Variants in CHP2 observed in about 807,000 individuals in gnomAD.
CHP2 encodes the protein calcineurin B homologous protein 2.
CHP2 carries 31 observed loss-of-function variants against 24.7 expected under a neutral mutation model. The ratio of observed to expected loss-of-function variants is 1.26; its 90% CI spans 0.94 to 1.69. CHP2 has a LOEUF of 1.69. Among genes scored for constraint, CHP2 ranks in the 40% most tolerant of loss-of-function variants. The probability of loss-of-function intolerance (pLI) is 0.00; values close to 1 mark genes in which losing one functional copy is unlikely to be tolerated. For missense variants in CHP2, 319 were observed against 261.5 expected, an observed-to-expected ratio of 1.22 and a Z score of -1.52; for synonymous variants, 97 against 99.1, an observed-to-expected ratio of 0.98 and a Z score of 0.13.
In CHP2 at chr16:23,758,531, C is replaced by T. The variant is rs1336196642; in HGVS notation, c.*948C>T. 4 of 152,160 alleles carry T rather than the reference C, an allele frequency of 2.6e-5. No individual in the cohort carries two copies. Among genetic ancestry groups the T allele is most frequent in the South Asian group, 4.1e-4 (2 of 4,832 alleles). 9.4% of individuals were successfully genotyped at this position (152,160 alleles called of 1,614,324 possible). ...CAGCTCCAGGCTTCTATCCTGCTAA[C>T]CCAGTAACCCAGTGGGAAGAGATTT... On this transcript the variant is annotated 3_prime_UTR_variant, in exon 7 of 7. Transcript: ENST00000300113.
Position 23,755,886 on chromosome 16 carries a change from C to T in CHP2, c.180C>T (p.Asn60=), listed in dbSNP as rs202195776. 3 of 1,614,180 alleles carry T rather than the reference C, an allele frequency of 1.9e-6. No homozygotes were observed. The highest frequency in any genetic ancestry group is 3.3e-5 in the Admixed American group (2 of 60,022). The change falls in exon 3 of 7, where the codon AAC becomes AAT. Residue 60 remains asparagine, a synonymous_variant. Transcript: ENST00000300113. Reference sequence around the variant, plus strand: ...AGCAGATAGGGGCGCTCGCCGTGAACCCCCTGGGAGACCGAATTATAGAAA... The same window carrying T: ...AGCAGATAGGGGCGCTCGCCGTGAATCCCCTGGGAGACCGAATTATAGAAA... ...DLQQIGALAV[N]PLGDRIIESF...
In CHP2 at chr16:23,757,867, T is replaced by C; in HGVS notation, c.*284T>C. 2.2e-6 allele frequency: 1 copy of C among 463,388 alleles called. No individual in the cohort carries two copies. The highest frequency in any genetic ancestry group is 2.2e-5 in the South Asian group (1 of 44,916). The allele number at this position is 463,388 out of a possible 1,614,324, so 28.7% of individuals were successfully genotyped here. ...ATTGTGCACTTTATTTCTATTATGA[T>C]TACATTGTAATATATAATGAAATAA... On this transcript the variant is annotated 3_prime_UTR_variant, in exon 7 of 7. Coordinates refer to ENST00000300113, the MANE Select transcript of CHP2 (RefSeq NM_022097.4).
rs16972893 is a variant in CHP2, at chr16:23,757,587, C to G, written c.*4C>G. ...GAGCATCCGGATCCTGAAGTGACTC[C>G]GTTTGTGCCTTGGGCTTGCTCCTGC... On this transcript the variant is annotated 3_prime_UTR_variant, in exon 7 of 7. Coordinates refer to ENST00000300113, the MANE Select transcript of CHP2 (RefSeq NM_022097.4). 5 of 1,613,686 alleles carry G rather than the reference C, an allele frequency of 3.1e-6. No homozygotes were observed. Among genetic ancestry groups the G allele is most frequent in the Non-Finnish European group, 4.2e-6 (5 of 1,179,710 alleles).
intron 3 of CHP2, 60 bp from the exon 4 acceptor site, chr16:23,756,003 G>T (rs893756216): frequency 1.9e-6 from 3 of 1,613,638 alleles, no homozygotes; most frequent in Middle Eastern, 1.6e-4. Flanking sequence ...GGTTAGAGAC[G>T]GAGGCAAAGT....
intron 5 of CHP2, among the ~76,000 whole-genome samples, chr16:23,756,773 G>A (rs1367771426): frequency 6.6e-6 from 1 of 152,058 alleles, no homozygotes; most frequent in Non-Finnish European, 1.5e-5. Flanking sequence ...GTGGGTAGAG[G>A]TCAGGAATGT....
intron 6 of CHP2, 50 bp from the exon 7 acceptor site, chr16:23,757,480 A>G (rs1250526696): frequency 1.2e-6 from 2 of 1,600,630 alleles, no homozygotes; most frequent in Admixed American, 1.7e-5. Context: ...GGTTGGGAGC[A>G]TGGAGAGCTG....
Position 23,755,043 on chromosome 16 carries a change from C to G in CHP2, c.-7C>G. 1 of 1,585,226 alleles carries G rather than the reference C, an allele frequency of 6.3e-7. No homozygotes were observed. The highest frequency in any genetic ancestry group is 8.5e-7 in the Non-Finnish European group (1 of 1,170,008). On this transcript the variant is annotated 5_prime_UTR_variant, in exon 1 of 7. Coordinates refer to ENST00000300113, the MANE Select transcript of CHP2 (RefSeq NM_022097.4). Reference sequence around the variant, plus strand: ...GCTGCTCCGGCCCTTCCGCCTCCAGCTCGGCCATGGGGTCGCGCAGCTCCC... The same window carrying G: ...GCTGCTCCGGCCCTTCCGCCTCCAGGTCGGCCATGGGGTCGCGCAGCTCCC...
rs189418845 is a variant in CHP2, at chr16:23,755,657, G to T, written c.68-4G>T. On this transcript the variant is annotated splice_region_variant and splice_polypyrimidine_tract_variant and intron_variant, in intron 1 of 6. Transcript: ENST00000300113. ...ACACCCCCACCCCACTCTCCTTCCC[G>T]CAGTCTCCCAAGCCAGCCTGCTCCG... 6.1e-4 allele frequency: 983 copies of T among 1,613,510 alleles called. 7 individuals are homozygous for T. In the African/African-American group the frequency reaches 0.012, roughly 20 times the overall value.
chr16:23,756,563 T>C (rs1961229093), intron 5 of CHP2, 114 bp downstream of exon 5: 2 of 915,682 alleles, frequency 2.2e-6, no homozygotes, highest in Admixed American at 4.0e-5. Flanking sequence ...ATAATTGGGG[T>C]ATTGGTTGGG....
At position 23,755,667 on chromosome 16, in the gene CHP2, A is replaced by C. The variant is rs1208704936; in HGVS notation, c.74A>C (p.Gln25Pro). 1 of 1,613,914 alleles carries C rather than the reference A, an allele frequency of 6.2e-7. No individual in the cohort carries two copies. Among genetic ancestry groups the C allele is most frequent in the East Asian group, 2.2e-5 (1 of 44,874 alleles). The change falls in exon 2 of 7, where the codon CAA becomes CCA. Residue 25 changes from glutamine to proline, a missense_variant. Physicochemically the swap from Gln to Pro is moderately conservative, Grantham distance 76. Coordinates refer to ENST00000300113, the MANE Select transcript of CHP2 (RefSeq NM_022097.4). Reference sequence around the variant, plus strand: ...CCCACTCTCCTTCCCGCAGTCTCCCAAGCCAGCCTGCTCCGCCTGCACCAC... The same window carrying C: ...CCCACTCTCCTTCCCGCAGTCTCCCCAGCCAGCCTGCTCCGCCTGCACCAC... ...DSIRRETGFS[Q>P]ASLLRLHHRF...
chr16:23,757,212 G>A lies in CHP2; in HGVS notation c.426G>A (p.Leu142=), dbSNP rs199973892. The change falls in exon 6 of 7, where the codon CTG becomes CTA. Residue 142 remains leucine (L), a synonymous_variant. Coordinates refer to ENST00000300113, the MANE Select transcript of CHP2 (RefSeq NM_022097.4). ...SRHEMLQVLR[L]MVGVQVTEEQ... ...CACTCATCTCTCAGGTTCTCCGTCT[G>A]ATGGTTGGGGTACAGGTGACAGAAG... 6 of 1,614,060 alleles carry A rather than the reference G, an allele frequency of 3.7e-6. No homozygotes were observed. In the African/African-American group the frequency reaches 5.3e-5, roughly 14 times the overall value.
At position 23,758,442 on chromosome 16, in the gene CHP2, C is replaced by A. The variant is rs1173218713; in HGVS notation, c.*859C>A. On this transcript the variant is annotated 3_prime_UTR_variant, in exon 7 of 7. Coordinates refer to ENST00000300113, the MANE Select transcript of CHP2 (RefSeq NM_022097.4). The stretch of plus-strand genomic sequence containing the variant: ...AGTTATTCTCCATCTCCCAGCTCAG[C>A]TTTTTCTGTCTGTAAGCCTGATTTT... The A allele has an allele frequency of 1.3e-5, 2 of 152,220 alleles. No homozygotes were observed. The highest frequency in any genetic ancestry group is 2.9e-5 in the Non-Finnish European group (2 of 68,052). The allele number at this position is 152,220 out of a possible 1,614,324, so 9.4% of individuals were successfully genotyped here.
At position 23,756,457 on chromosome 16, in the gene CHP2, GA is replaced by G; in HGVS notation, c.414+11del. The G allele has an allele frequency of 6.2e-7, 1 of 1,611,314 alleles. No individual in the cohort carries two copies. Among genetic ancestry groups the G allele is most frequent in the Non-Finnish European group, 8.5e-7 (1 of 1,177,532 alleles). On this transcript the variant is annotated intron_variant, in intron 5 of 6. Transcript: ENST00000300113. ...AGGCATGAGATGCTGCAGGTTGGCA[GA>G]AAGCGAGAGCAAGAGATGTGATGTG...
At position 23,756,180 on chromosome 16, in the gene CHP2, G is replaced by A. The variant is rs1961223208; in HGVS notation, c.339G>A (p.Arg113=). The A allele has an allele frequency of 6.2e-7, 1 of 1,613,908 alleles. No homozygotes were observed. Among genetic ancestry groups the A allele is most frequent in the Non-Finnish European group, 8.5e-7 (1 of 1,180,040 alleles). The change falls in exon 4 of 7, where the codon AGG becomes AGA. Residue 113 remains arginine, a synonymous_variant. Transcript: ENST00000300113. ...AACCTGAACCTCTCAACAGCAGAAG[G>A]AACAAACTTCACTGTGAGTTTGTGA... ...PKKPEPLNSR[R]NKLHYAFQLY...
At chr16:23,755,413 G>T (rs1961207536) in intron 1 of CHP2, 1 of 600,370 alleles carries the variant, frequency 1.7e-6, no homozygotes, top group Non-Finnish European at 3.0e-6. Context: ...GCTGACGGCG[G>T]TTGGAAGGGA....
At chr16:23,757,385 G>C (rs561240577) in intron 6 of CHP2, 62 bp downstream of exon 6, 15 of 1,594,456 alleles carry the variant, frequency 9.4e-6, no homozygotes, top group East Asian at 9.0e-5. Flanking sequence ...ACAGACTTGG[G>C]AAACGTTCAA....
chr16:23,757,313 A>T lies in CHP2; in HGVS notation c.527A>T (p.Glu176Val). Residue 176 changes from glutamate (E) to valine (V), a missense_variant, in exon 6 of 7, where the codon GAG (glutamate) becomes GTG (valine). Glu to Val is a moderately radical substitution (Grantham distance 121, BLOSUM62 -2). Transcript: ENST00000300113. ...EDGDGAVSFV[E>V]FTKSLEKMDV... ...GGGGATGGGGCTGTGTCCTTCGTGGAGTTCACCAAGGTCAGAGTGCCCTTG... is the reference window on the plus strand; with the variant it reads ...GGGGATGGGGCTGTGTCCTTCGTGGTGTTCACCAAGGTCAGAGTGCCCTTG... 6.2e-7 allele frequency: 1 copy of T among 1,610,982 alleles called. No individual in the cohort carries two copies. Among genetic ancestry groups the T allele is most frequent in the Non-Finnish European group, 8.5e-7 (1 of 1,178,184 alleles).
At chr16:23,755,352 G>A (rs1015798825) in intron 1 of CHP2, 3 of 597,276 alleles carry the variant, frequency 5.0e-6, no homozygotes, top group Non-Finnish European at 8.9e-6. Context: ...GGAGTCCAGA[G>A]GAATCCAGGC....
chr16:23,755,693 C>G lies in CHP2; in HGVS notation c.100C>G (p.Arg34Gly), dbSNP rs544227795. 14 of 1,614,050 alleles carry G rather than the reference C, an allele frequency of 8.7e-6. No individual in the cohort carries two copies. Among genetic ancestry groups the G allele is most frequent in the Non-Finnish European group, 1.1e-5 (13 of 1,180,044 alleles). Reference protein sequence around the residue: ...SQASLLRLHHRFRALDRNKKG... With the variant: ...SQASLLRLHHGFRALDRNKKG... Reference sequence around the variant, plus strand: ...AGCCAGCCTGCTCCGCCTGCACCACCGGTTCCGGGCACTGGACAGGAATAA... The same window carrying G: ...AGCCAGCCTGCTCCGCCTGCACCACGGGTTCCGGGCACTGGACAGGAATAA... Residue 34 changes from arginine (R) to glycine (G), a missense_variant, in exon 2 of 7, where the codon CGG becomes GGG. Physicochemically the swap from Arg to Gly is moderately radical, Grantham distance 125. Coordinates refer to ENST00000300113, the MANE Select transcript of CHP2 (RefSeq NM_022097.4).
Sources: gnomAD v4.1 joint callset for allele counts (sites outside exome capture counted in the v4.1 genomes callset) on GRCh38, gnomAD v4.1.1 for gene constraint, MANE v1.5 for transcripts, NCBI Gene and HGNC (gene_info 2026-07-23, HGNC 2026-07-21) for gene names.